LRRIQ4: variants seen among roughly 807,000 people sequenced by gnomAD.
LRRIQ4 encodes the protein leucine rich repeats and IQ motif containing 4.
LRRIQ4 carries 21 observed loss-of-function variants against 40.1 expected under a neutral mutation model. That is an observed-to-expected ratio of 0.52 (90% confidence interval 0.37 to 0.75). LRRIQ4 has a LOEUF of 0.75. Ranked by LOEUF, LRRIQ4 falls within the 30% of genes least tolerant of loss-of-function variation. LRRIQ4 has a pLI of 0.00. For synonymous variants in LRRIQ4, 277 were observed against 277.1 expected (o/e 1.00, Z 0.00); for missense variants, 655 against 660.0 (o/e 0.99, Z 0.08).
intron 1 of LRRIQ4, among the ~76,000 whole-genome samples, chr3:169,816,668 C>T (rs1405004452): frequency 7.2e-6 from 1 of 139,238 alleles, no homozygotes; most frequent in African/African-American, 2.6e-5. Context: ...GATTTCTTTT[C>T]TTCTACTTTT....
chr3:169,833,620 G>C (rs1195569149), intron 5 of LRRIQ4, among the ~76,000 whole-genome samples: 1 of 152,238 alleles, frequency 6.6e-6, no homozygotes, highest in Non-Finnish European at 1.5e-5. Flanking sequence ...TTGTAATTCT[G>C]CTCTAGCCCT....
chr3:169,832,638 A>AAG (rs1401316326), intron 4 of LRRIQ4, among the ~76,000 whole-genome samples: 1 of 151,266 alleles, frequency 6.6e-6, no homozygotes, highest in Non-Finnish European at 1.5e-5. Flanking sequence ...TCTCAAAAAA[A>AAG]AAAAAAAAAA....
chr3:169,822,180 TG>T lies in LRRIQ4; in HGVS notation c.260del (p.Cys87SerfsTer7), dbSNP rs1779910813. On this transcript the variant is annotated frameshift_variant, in exon 2 of 6. Transcript: ENST00000340806. LOFTEE classifies it high-confidence loss of function. ...YLDKNNLRSL[C>X]PALGLLSSLE... ...GGATAAGAACAACCTGAGGAGCCTG[TG>T]CCCGGCGCTGGGGCTGCTGAGCAGC... 1 of 1,607,092 alleles carries T rather than the reference TG, an allele frequency of 6.2e-7. No homozygotes were observed. The highest frequency in any genetic ancestry group is 1.3e-5 in the African/African-American group (1 of 74,354).
At chr3:169,813,401 T>C (rs1779677048) in intron 1 of LRRIQ4, among the ~76,000 whole-genome samples, 1 of 152,198 alleles carries the variant, frequency 6.6e-6, no homozygotes, top group African/African-American at 2.4e-5. Context: ...ATCTGGTGTC[T>C]CATTGTCCAG....
chr3:169,816,690 T>G (rs74687412), intron 1 of LRRIQ4, among the ~76,000 whole-genome samples: 1 of 136,626 alleles, frequency 7.3e-6, no homozygotes, highest in Non-Finnish European at 1.6e-5. Flanking sequence ...TTTTTTTTTT[T>G]GACAGAGTTT....
At chr3:169,830,367 C>T (rs1469629448) in intron 3 of LRRIQ4, 125 bp from the exon 4 acceptor site, 2 of 512,342 alleles carry the variant, frequency 3.9e-6, no homozygotes, top group Non-Finnish European at 2.8e-6. Context: ...GTAATTTCCC[C>T]ACTGAAAGTG....
intron 1 of LRRIQ4, among the ~76,000 whole-genome samples, chr3:169,818,307 G>C (rs1261283409): frequency 6.6e-6 from 1 of 152,112 alleles, no homozygotes; most frequent in East Asian, 1.9e-4. Flanking sequence ...CTCTTTCTTT[G>C]CTATGATGTT....
intron 4 of LRRIQ4, among the ~76,000 whole-genome samples, chr3:169,830,940 A>C (rs1236674410): frequency 3.3e-5 from 5 of 152,250 alleles, no homozygotes; most frequent in Non-Finnish European, 7.3e-5. Context: ...CACTTACTAC[A>C]TGCCAGAATT....
chr3:169,836,982 C>T (rs1170016014), intron 5 of LRRIQ4, among the ~76,000 whole-genome samples: 2 of 152,104 alleles, frequency 1.3e-5, no homozygotes, highest in Non-Finnish European at 2.9e-5. Flanking sequence ...GACAAGTCTG[C>T]TGCTAGAGGA....
intron 5 of LRRIQ4, 120 bp from the exon 6 acceptor site, chr3:169,837,359 T>C: frequency 8.8e-7 from 1 of 1,130,360 alleles, no homozygotes; most frequent in Non-Finnish European, 1.2e-6. Context: ...AATTTAGAGT[T>C]CTAATCACAT....
chr3:169,827,739 A>C (rs1302763999), intron 2 of LRRIQ4, among the ~76,000 whole-genome samples: 1 of 152,202 alleles, frequency 6.6e-6, no homozygotes, highest in Non-Finnish European at 1.5e-5. Flanking sequence ...GATGATTAGA[A>C]GTAGCCATAG....
At chr3:169,829,072 T>G (rs1780106599) in intron 3 of LRRIQ4, 140 bp downstream of exon 3, 1 of 756,462 alleles carries the variant, frequency 1.3e-6, no homozygotes, top group Non-Finnish European at 2.1e-6. Flanking sequence ...AAGCAATCAT[T>G]TTTACATTTT....
rs773034568 is a variant in LRRIQ4 at position 169,822,333 on chromosome 3, T to C, written c.412T>C (p.Phe138Leu). 1.2e-6 allele frequency: 2 copies of C among 1,613,864 alleles called. No individual in the cohort carries two copies. The highest frequency in any genetic ancestry group is 1.7e-5 in the Admixed American group (1 of 59,998). The change falls in exon 2 of 6, where the codon TTT becomes CTT. Residue 138 changes from phenylalanine (F) to leucine (L), a missense_variant. Physicochemically the swap from Phe to Leu is conservative, Grantham distance 22. Coordinates refer to ENST00000340806, the MANE Select transcript of LRRIQ4 (RefSeq NM_001080460.3). ...TDLKEIPVVI[F>L]KNLHHLELLG... ...CCTGAAGGAAATTCCCGTCGTCATC[T>C]TTAAAAACCTCCACCATCTCGAGCT...
chr3:169,828,871 A>G lies in LRRIQ4; in HGVS notation c.1133A>G (p.Tyr378Cys). 6.2e-7 allele frequency: 1 copy of G among 1,613,912 alleles called. No individual in the cohort carries two copies. Among genetic ancestry groups the G allele is most frequent in the Non-Finnish European group, 8.5e-7 (1 of 1,179,858 alleles). Residue 378 changes from tyrosine (Y) to cysteine (C), a missense_variant, in exon 3 of 6, where the codon TAC becomes TGC. Coordinates refer to ENST00000340806, the MANE Select transcript of LRRIQ4 (RefSeq NM_001080460.3). ...TCTTTAGCGTCTTTAGAGAAATTATACATTGGGCAAGACCAGGGATTCAAA... is the reference window on the plus strand; with the variant it reads ...TCTTTAGCGTCTTTAGAGAAATTATGCATTGGGCAAGACCAGGGATTCAAA... ...VLSLASLEKL[Y>C]IGQDQGFKLT...
Sources: gnomAD v4.1 joint callset for allele counts (sites outside exome capture counted in the v4.1 genomes callset) on GRCh38, gnomAD v4.1.1 for gene constraint, MANE v1.5 for transcripts, NCBI Gene and HGNC (gene_info 2026-07-23, HGNC 2026-07-21) for gene names.